Variants in DLG2 observed in about 807,000 individuals in gnomAD.
The protein encoded by DLG2 is disks large homolog 2.
DLG2 carries 45 observed loss-of-function variants against 132.5 expected under a neutral mutation model. The ratio of observed to expected loss-of-function variants is 0.34; its 90% CI spans 0.27 to 0.44. The LOEUF is 0.44. Among genes scored for constraint, DLG2 ranks in the 20% least tolerant of loss-of-function variants. The pLI, the probability that DLG2 is intolerant of heterozygous loss-of-function variation, is 1.00. For synonymous variants in DLG2, 424 were observed against 419.6 expected (o/e 1.01, Z -0.13); for missense variants, 1,045 against 1,196.9 (o/e 0.87, Z 1.87).
intron 7 of DLG2, among the ~76,000 whole-genome samples, chr11:84,420,830 G>A (rs1035541361): frequency 5.3e-5 from 8 of 150,636 alleles, no homozygotes; most frequent in East Asian, 4.0e-4. Context: ...CACCACGCCC[G>A]GCTAATTTTT....
At chr11:85,389,156 A>G (rs1390169639) in intron 3 of DLG2, among the ~76,000 whole-genome samples, 1 of 152,166 alleles carries the variant, frequency 6.6e-6, no homozygotes, top group Non-Finnish European at 1.5e-5. Context: ...TAGAATAAAT[A>G]AAAAACAATC....
At chr11:85,514,844 C>G (rs1263828626) in intron 3 of DLG2, among the ~76,000 whole-genome samples, 1 of 151,856 alleles carries the variant, frequency 6.6e-6, no homozygotes, top group Non-Finnish European at 1.5e-5. Flanking sequence ...ATATTGGGCT[C>G]TCTGGAAATA....
chr11:84,782,133 A>C (rs1463656683), intron 6 of DLG2, among the ~76,000 whole-genome samples: 1 of 152,042 alleles, frequency 6.6e-6, no homozygotes, highest in East Asian at 1.9e-4. Flanking sequence ...TAACAGACAC[A>C]CACATGTAGC....
chr11:84,886,378 C>T lies in DLG2; in HGVS notation c.357+225283G>A, dbSNP rs570261727. Among the ~76,000 whole-genome samples the T allele has an allele frequency of 1.2e-4, 18 of 152,112 alleles. 1 individual carries two copies. The highest frequency in any genetic ancestry group is 3.6e-4 in the African/African-American group (15 of 41,516). ...TTTCTTTACTGTTACTCATTGTCTA[C>T]CAATCTATTATGGCTAATGAATGAG... On this transcript the variant is annotated intron_variant, in intron 6 of 27. Coordinates refer to ENST00000376104, the MANE Select transcript of DLG2 (RefSeq NM_001142699.3).
rs553754067 is a variant in DLG2 at position 84,063,673 on chromosome 11, T to C, written c.750-4189A>G. Among the ~76,000 whole-genome samples the C allele has an allele frequency of 1.4e-4, 22 of 152,280 alleles. No homozygotes were observed. The East Asian group carries it at 3.5e-3, about 24-fold the overall frequency. Reference sequence around the variant, plus strand: ...AAAGACACATGCACACGTATGTTTATTGCGGCACTATTCACAATAGCAAAG... The same window carrying C: ...AAAGACACATGCACACGTATGTTTACTGCGGCACTATTCACAATAGCAAAG... On this transcript the variant is annotated intron_variant, in intron 10 of 27. Coordinates refer to ENST00000376104, the MANE Select transcript of DLG2 (RefSeq NM_001142699.3).
chr11:85,344,275 G>T (rs781372712), intron 3 of DLG2, among the ~76,000 whole-genome samples: 1 of 152,164 alleles, frequency 6.6e-6, no homozygotes, highest in Non-Finnish European at 1.5e-5. Flanking sequence ...TTAGGCCCCA[G>T]TTCTTAGCTC....
intron 8 of DLG2, among the ~76,000 whole-genome samples, chr11:84,169,123 A>G (rs1000187714): frequency 2.0e-5 from 3 of 152,204 alleles, no homozygotes; most frequent in South Asian, 4.1e-4. Context: ...TGTGAAGAAT[A>G]GTACTAAAAA....
intron 18 of DLG2, among the ~76,000 whole-genome samples, chr11:83,731,205 G>A (rs1331911248): frequency 6.6e-6 from 1 of 152,132 alleles, no homozygotes; most frequent in Non-Finnish European, 1.5e-5. Flanking sequence ...GTGCCATGGT[G>A]TTTTGCTGTA....
chr11:83,946,145 A>G (rs1252826239), intron 14 of DLG2, among the ~76,000 whole-genome samples: 4 of 151,596 alleles, frequency 2.6e-5, no homozygotes, highest in Admixed American at 2.6e-4. Context: ...GCCCACCAAC[A>G]CTGCTGACTA....
chr11:83,825,946 A>G (rs2052625012), intron 17 of DLG2, among the ~76,000 whole-genome samples: 1 of 152,164 alleles, frequency 6.6e-6, no homozygotes, highest in African/African-American at 2.4e-5. Context: ...TAGGTAAAGA[A>G]AAATCCAGAG....
chr11:85,276,062 AAC>A (rs1341904551), intron 4 of DLG2, among the ~76,000 whole-genome samples: 1 of 152,198 alleles, frequency 6.6e-6, no homozygotes, highest in Non-Finnish European at 1.5e-5. Context: ...CTATCTAGGC[AAC>A]AATGTGTCAA....
intron 6 of DLG2, among the ~76,000 whole-genome samples, chr11:84,572,360 T>C (rs750085740): frequency 6.6e-6 from 1 of 152,130 alleles, no homozygotes; most frequent in Non-Finnish European, 1.5e-5. Flanking sequence ...AAAGTGATGT[T>C]GTAGTAGCTT....
chr11:85,474,423 G>A (rs1342428131), intron 3 of DLG2, among the ~76,000 whole-genome samples: 1 of 151,860 alleles, frequency 6.6e-6, no homozygotes, highest in African/African-American at 2.4e-5. Flanking sequence ...TTCCAACCAT[G>A]GTGAGCTTTT....
At chr11:83,595,021 G>T (rs1398804721) in intron 19 of DLG2, among the ~76,000 whole-genome samples, 4 of 152,080 alleles carry the variant, frequency 2.6e-5, no homozygotes, top group Non-Finnish European at 4.4e-5. Context: ...CAGATATTTA[G>T]ACATATTCTT....
At chr11:84,224,981 T>G (rs1187516756) in intron 8 of DLG2, among the ~76,000 whole-genome samples, 1 of 152,226 alleles carries the variant, frequency 6.6e-6, no homozygotes, top group Non-Finnish European at 1.5e-5. Context: ...TTGCCTTTCC[T>G]GAACTCCTAA....
intron 6 of DLG2, among the ~76,000 whole-genome samples, chr11:84,906,586 C>T (rs559982228): frequency 4.6e-5 from 7 of 151,998 alleles, no homozygotes; most frequent in Non-Finnish European, 1.0e-4. Context: ...ATTTATGACG[C>T]CCATAACTCC....
intron 6 of DLG2, among the ~76,000 whole-genome samples, chr11:85,102,976 T>A (rs1191473338): frequency 6.6e-6 from 1 of 151,936 alleles, no homozygotes; most frequent in East Asian, 1.9e-4. Context: ...TACACTAGAA[T>A]GACCAATGTA....
At chr11:84,277,744 A>G (rs935353980) in intron 7 of DLG2, among the ~76,000 whole-genome samples, 2 of 152,202 alleles carry the variant, frequency 1.3e-5, no homozygotes, top group Non-Finnish European at 2.9e-5. Context: ...AGGAAAACCA[A>G]TGAAAATGAA....
chr11:85,495,488 T>A (rs1201932161), intron 3 of DLG2, among the ~76,000 whole-genome samples: 1 of 152,112 alleles, frequency 6.6e-6, no homozygotes, highest in Non-Finnish European at 1.5e-5. Context: ...GAATAGACAC[T>A]TCTCAAAGGA....
Sources: allele counts gnomAD v4.1 joint callset (sites outside exome capture counted in the v4.1 genomes callset), GRCh38; gene constraint gnomAD v4.1.1; transcripts MANE v1.5; gene names NCBI Gene and HGNC (gene_info 2026-07-23, HGNC 2026-07-21).